The following DLG2 variants were observed in gnomAD, a reference collection of about 807,000 sequenced individuals.
DLG2 encodes discs large MAGUK scaffold protein 2.
In DLG2, 45 loss-of-function variants were observed where a neutral mutation model predicts 132.5. That is an observed-to-expected ratio of 0.34 (90% confidence interval 0.27 to 0.44). DLG2 has a LOEUF of 0.44. DLG2 is among the 20% of genes least tolerant of loss of function. The pLI is 1.00. For missense variants in DLG2, 1,045 were observed against 1,196.9 expected (o/e 0.87, Z 1.87); for synonymous variants, 424 against 419.6 (o/e 1.01, Z -0.13).
At chr11:84,943,290 T>C (rs2049733703) in intron 6 of DLG2, among the ~76,000 whole-genome samples, 1 of 152,056 alleles carries the variant, frequency 6.6e-6, no homozygotes, top group African/African-American at 2.4e-5. Flanking sequence ...CTTATTCCTG[T>C]CAATTTGTTA....
chr11:83,499,866 T>TCTC (rs2094365224), intron 21 of DLG2, among the ~76,000 whole-genome samples: 1 of 58,444 alleles, frequency 1.7e-5, no homozygotes, highest in Non-Finnish European at 3.2e-5. Flanking sequence ...TATATATATA[T>TCTC]ATATATATAT....
intron 3 of DLG2, among the ~76,000 whole-genome samples, chr11:85,423,569 T>C (rs762355702): frequency 8.1e-4 from 123 of 152,202 alleles, no homozygotes; most frequent in African/African-American, 1.5e-3. Flanking sequence ...GCTAGGTGTG[T>C]CTGAGCTCAG....
intron 6 of DLG2, among the ~76,000 whole-genome samples, chr11:85,002,198 CT>C (rs1468110067): frequency 6.6e-6 from 1 of 152,102 alleles, no homozygotes; most frequent in Non-Finnish European, 1.5e-5. Flanking sequence ...ATGCAGTCTC[CT>C]TTTGAGAAGC....
chr11:85,286,901 G>A (rs900648340), intron 3 of DLG2, among the ~76,000 whole-genome samples: 1 of 152,090 alleles, frequency 6.6e-6, no homozygotes, highest in Non-Finnish European at 1.5e-5. Flanking sequence ...ATAGTCACCA[G>A]AGAAACAACC....
chr11:85,216,882 G>A (rs1001704707), intron 4 of DLG2, among the ~76,000 whole-genome samples: 3 of 151,998 alleles, frequency 2.0e-5, no homozygotes, highest in African/African-American at 7.2e-5. Context: ...TTTTATTAGA[G>A]ACGGGGTTTC....
intron 19 of DLG2, among the ~76,000 whole-genome samples, chr11:83,592,296 T>A (rs1489361434): frequency 6.7e-6 from 1 of 149,784 alleles, no homozygotes; most frequent in African/African-American, 2.4e-5. Flanking sequence ...AAAACAGAGA[T>A]ATAGATCAAT....
chr11:84,093,478 A>G (rs2097125437), intron 10 of DLG2, among the ~76,000 whole-genome samples: 1 of 152,172 alleles, frequency 6.6e-6, no homozygotes, highest in Non-Finnish European at 1.5e-5. Flanking sequence ...GGCTCATGTA[A>G]TTAGACCAGG....
At chr11:84,030,026 G>T (rs535027179) in intron 11 of DLG2, among the ~76,000 whole-genome samples, 28 of 152,046 alleles carry the variant, frequency 1.8e-4, no homozygotes, top group African/African-American at 6.0e-4. Flanking sequence ...CTATATATCT[G>T]TATCTTTATC....
At chr11:84,496,314 A>G (rs1488535995) in intron 7 of DLG2, among the ~76,000 whole-genome samples, 1 of 152,178 alleles carries the variant, frequency 6.6e-6, no homozygotes, top group Non-Finnish European at 1.5e-5. Context: ...GAAATGTGTT[A>G]TCATATAGCT....
chr11:85,147,416 A>G (rs1028087110), intron 5 of DLG2, among the ~76,000 whole-genome samples: 11 of 152,028 alleles, frequency 7.2e-5, no homozygotes, highest in Non-Finnish European at 1.5e-4. Flanking sequence ...CTTTTTATAT[A>G]CCTGTTGGAC....
intron 6 of DLG2, among the ~76,000 whole-genome samples, chr11:84,564,946 A>G (rs946988340): frequency 3.9e-5 from 6 of 152,214 alleles, no homozygotes; most frequent in African/African-American, 1.2e-4. Context: ...ACTGTGTGAT[A>G]CATAAAAATT....
chr11:84,504,991 CTT>C (rs2099234657), intron 7 of DLG2, among the ~76,000 whole-genome samples: 1 of 152,074 alleles, frequency 6.6e-6, no homozygotes, highest in African/African-American at 2.4e-5. Context: ...TCCATTCACT[CTT>C]TTATATTCTT....
chr11:83,561,883 C>CTTTTTTTTTTTTTT (rs66514406), intron 19 of DLG2, among the ~76,000 whole-genome samples: 5 of 87,944 alleles, frequency 5.7e-5, no homozygotes, highest in Non-Finnish European at 1.0e-4. Flanking sequence ...GTATTTCTTT[C>CTTTTTTTTTTTTTT]TTTTTTTTTT....
chr11:84,985,107 A>G (rs572287867), intron 6 of DLG2, among the ~76,000 whole-genome samples: 2 of 152,342 alleles, frequency 1.3e-5, no homozygotes, highest in East Asian at 3.9e-4. Flanking sequence ...ATGGACTTAA[A>G]CTATACCCTG....
At chr11:84,974,695 A>T (rs1297185222) in intron 6 of DLG2, among the ~76,000 whole-genome samples, 1 of 152,180 alleles carries the variant, frequency 6.6e-6, no homozygotes, top group African/African-American at 2.4e-5. Flanking sequence ...AAGTGCATTA[A>T]ATAGCAGTAT....
At chr11:84,894,070 A>T (rs2089846900) in intron 6 of DLG2, among the ~76,000 whole-genome samples, 1 of 152,110 alleles carries the variant, frequency 6.6e-6, no homozygotes, top group African/African-American at 2.4e-5. Flanking sequence ...GAGGTTCTAT[A>T]AATCTATGTA....
intron 18 of DLG2, among the ~76,000 whole-genome samples, chr11:83,755,899 C>G (rs2093625344): frequency 6.6e-6 from 1 of 151,376 alleles, no homozygotes; most frequent in Non-Finnish European, 1.5e-5. Context: ...GTGCCTTTAA[C>G]AAAATTACAA....
chr11:85,112,444 C>T (rs1009770367), intron 5 of DLG2, among the ~76,000 whole-genome samples: 2 of 151,964 alleles, frequency 1.3e-5, no homozygotes, highest in African/African-American at 2.4e-5. Flanking sequence ...TACTGCTACA[C>T]CCCTTTGATA....
chr11:83,835,000 T>G (rs1181412869), intron 16 of DLG2, among the ~76,000 whole-genome samples: 2 of 152,208 alleles, frequency 1.3e-5, no homozygotes, highest in Non-Finnish European at 2.9e-5. Flanking sequence ...AATTTGTTAC[T>G]TGCTATCACA....
Sources: gnomAD v4.1 joint callset for allele counts (sites outside exome capture counted in the v4.1 genomes callset) on GRCh38, gnomAD v4.1.1 for gene constraint, MANE v1.5 for transcripts, NCBI Gene and HGNC (gene_info 2026-07-23, HGNC 2026-07-21) for gene names.